Variants in ZNHIT6 observed in about 807,000 individuals in gnomAD.
ZNHIT6 encodes the protein box C/D snoRNA protein 1.
ZNHIT6 carries 45 observed loss-of-function variants against 57.2 expected under a neutral mutation model. The observed-to-expected ratio is 0.79, with a 90% CI of 0.62 to 1.01. The LOEUF (loss-of-function observed/expected upper bound fraction) is 1.01. ZNHIT6 is among the 50% of genes least tolerant of loss of function. ZNHIT6 has a pLI of 0.00. For missense variants in ZNHIT6, 528 were observed against 567.3 expected, an observed-to-expected ratio of 0.93 and a Z score of 0.70; for synonymous variants, 188 against 190.0, an observed-to-expected ratio of 0.99 and a Z score of 0.09.
intron 5 of ZNHIT6, among the ~76,000 whole-genome samples, chr1:85,682,269 C>T (rs1414512780): frequency 9.2e-5 from 14 of 151,592 alleles, no homozygotes; most frequent in Non-Finnish European, 1.5e-5. Context: ...CGTGATCCAC[C>T]TGGCTCGGCC....
At chr1:85,699,481 A>C (rs1396879844) in intron 5 of ZNHIT6, among the ~76,000 whole-genome samples, 4 of 152,132 alleles carry the variant, frequency 2.6e-5, no homozygotes, top group Admixed American at 2.6e-4. Context: ...TGCAGTGGAC[A>C]TCTGGCAATG....
chr1:85,663,434 G>C (rs902790825), intron 8 of ZNHIT6, among the ~76,000 whole-genome samples: 3 of 151,112 alleles, frequency 2.0e-5, no homozygotes, highest in Non-Finnish European at 4.4e-5. Context: ...GTAAAGTAGA[G>C]AAGACATAGT....
In ZNHIT6 at chr1:85,680,619, C is replaced by T. The variant is rs944812440; in HGVS notation, c.1088+217G>A. On this transcript the variant is annotated intron_variant, in intron 6 of 9. Transcript: ENST00000370574. ...CCCATATTTACAATCATGTTCTCTA[C>T]ATTCTTCCTTAACTTGCTTTTCTTA... Among the ~76,000 whole-genome samples the T allele has an allele frequency of 3.3e-5, 5 of 152,192 alleles. No homozygotes were observed. The East Asian group carries it at 9.6e-4, about 29-fold the overall frequency.
chr1:85,658,346 A>G (rs1661124277), intron 8 of ZNHIT6, among the ~76,000 whole-genome samples: 1 of 152,018 alleles, frequency 6.6e-6, no homozygotes, highest in African/African-American at 2.4e-5. Flanking sequence ...CTCCTGCCTC[A>G]GCCTCCCAAG....
At chr1:85,693,999 A>G (rs1479090152) in intron 5 of ZNHIT6, among the ~76,000 whole-genome samples, 1 of 152,184 alleles carries the variant, frequency 6.6e-6, no homozygotes, top group Non-Finnish European at 1.5e-5. Context: ...CAAAAGTAAG[A>G]GTGAGCTGTC....
chr1:85,658,757 GC>G (rs1294903175), intron 8 of ZNHIT6, among the ~76,000 whole-genome samples: 2 of 151,926 alleles, frequency 1.3e-5, no homozygotes, highest in Admixed American at 1.3e-4. Context: ...TGTAATCACA[GC>G]TACTCGGGAG....
chr1:85,679,203 T>C (rs574746753), intron 6 of ZNHIT6, among the ~76,000 whole-genome samples: 1 of 152,312 alleles, frequency 6.6e-6, no homozygotes, highest in East Asian at 1.9e-4. Flanking sequence ...AAAAAATTGA[T>C]AGTAATTTCC....
chr1:85,685,844 C>T (rs1475943714), intron 5 of ZNHIT6, among the ~76,000 whole-genome samples: 1 of 152,078 alleles, frequency 6.6e-6, no homozygotes. Flanking sequence ...CAGGTGTGAG[C>T]CACCGTACCT....
Position 85,678,791 on chromosome 1 carries a change from A to C in ZNHIT6, c.1089-10T>G, listed in dbSNP as rs1378379648. ...TTTATCATCTGGTACTCTTTACAACAAAGAAAAAAAAACAAGCTATATTAG... is the reference window on the plus strand; with the variant it reads ...TTTATCATCTGGTACTCTTTACAACCAAGAAAAAAAAACAAGCTATATTAG... On this transcript the variant is annotated splice_polypyrimidine_tract_variant and intron_variant, in intron 6 of 9. Coordinates refer to ENST00000370574, the MANE Select transcript of ZNHIT6 (RefSeq NM_017953.4). The C allele has an allele frequency of 7.1e-7, 1 of 1,409,908 alleles. No individual in the cohort carries two copies. The highest frequency in any genetic ancestry group is 9.6e-7 in the Non-Finnish European group (1 of 1,038,018). 87.3% of individuals were successfully genotyped at this position (1,409,908 alleles called of 1,614,324 possible).
chr1:85,693,198 T>C (rs1447009342), intron 5 of ZNHIT6, among the ~76,000 whole-genome samples: 1 of 152,130 alleles, frequency 6.6e-6, no homozygotes. Flanking sequence ...TTGGGTCCAT[T>C]TCTGAGGAAA....
rs544344825 is a variant in ZNHIT6, at chr1:85,695,909, G to A, written c.1019+6248C>T. ...AAATTAGCCAGGTGTGGTGGCATGT[G>A]CCTGTAGTTCCAGCTACTCGGGAGA... On this transcript the variant is annotated intron_variant, in intron 5 of 9. Coordinates refer to ENST00000370574, the MANE Select transcript of ZNHIT6 (RefSeq NM_017953.4). Among the ~76,000 whole-genome samples the A allele has an allele frequency of 1.2e-4, 18 of 152,292 alleles. No individual in the cohort carries two copies. The East Asian group carries it at 3.3e-3, about 28-fold the overall frequency.
intron 5 of ZNHIT6, among the ~76,000 whole-genome samples, chr1:85,688,588 T>C (rs1354113908): frequency 1.3e-5 from 2 of 152,142 alleles, no homozygotes; most frequent in African/African-American, 4.8e-5. Flanking sequence ...TCCATAACCA[T>C]ACCTTAATGA....
chr1:85,694,574 G>A (rs997945031), intron 5 of ZNHIT6, among the ~76,000 whole-genome samples: 1 of 151,790 alleles, frequency 6.6e-6, no homozygotes, highest in Non-Finnish European at 1.5e-5. Context: ...CCATTCTCCT[G>A]CCTCAGCCTC....
At chr1:85,702,106 T>C in intron 5 of ZNHIT6, 51 bp downstream of exon 5, 1 of 1,286,178 alleles carries the variant, frequency 7.8e-7, no homozygotes, top group South Asian at 1.3e-5. Context: ...CCTTAAAGAA[T>C]GATCCTGATC....
At chr1:85,661,057 T>TA (rs1661207185) in intron 8 of ZNHIT6, among the ~76,000 whole-genome samples, 1 of 152,222 alleles carries the variant, frequency 6.6e-6, no homozygotes, top group Non-Finnish European at 1.5e-5. Flanking sequence ...CTGAATTTCT[T>TA]AGATTTTTCT....
At chr1:85,672,352 T>C (rs1219372485) in intron 8 of ZNHIT6, among the ~76,000 whole-genome samples, 1 of 152,150 alleles carries the variant, frequency 6.6e-6, no homozygotes, top group Non-Finnish European at 1.5e-5. Flanking sequence ...AGCGTTAGTA[T>C]TGGGTCTTGA....
chr1:85,663,797 A>T (rs186878221), intron 8 of ZNHIT6, among the ~76,000 whole-genome samples: 1 of 152,210 alleles, frequency 6.6e-6, no homozygotes, highest in African/African-American at 2.4e-5. Flanking sequence ...CCTTTGCTTA[A>T]GAAACTTAGT....
At position 85,706,436 on chromosome 1, in the gene ZNHIT6, G is replaced by A; in HGVS notation, c.722+6C>T. 6.2e-7 allele frequency: 1 copy of A among 1,612,720 alleles called. No individual in the cohort carries two copies. On this transcript the variant is annotated splice_donor_region_variant and intron_variant, in intron 2 of 9. Coordinates refer to ENST00000370574, the MANE Select transcript of ZNHIT6 (RefSeq NM_017953.4). Reference sequence around the variant, plus strand: ...CAGGTTAAAAGGTAGGAAGTTACATGTATACCTGCAGGAATATCGCATACA... The same window carrying A: ...CAGGTTAAAAGGTAGGAAGTTACATATATACCTGCAGGAATATCGCATACA...
intron 5 of ZNHIT6, among the ~76,000 whole-genome samples, chr1:85,683,020 C>T (rs1270405325): frequency 6.6e-6 from 1 of 151,512 alleles, no homozygotes; most frequent in Non-Finnish European, 1.5e-5. Flanking sequence ...AGTTTGAGAT[C>T]AGCCTAGGCA....
Sources: allele counts gnomAD v4.1 joint callset (sites outside exome capture counted in the v4.1 genomes callset), GRCh38; gene constraint gnomAD v4.1.1; transcripts MANE v1.5; gene names NCBI Gene and HGNC (gene_info 2026-07-23, HGNC 2026-07-21).